The following KALRN variants were observed in gnomAD, a reference collection of about 807,000 sequenced individuals.
The protein encoded by KALRN is kalirin.
Under a neutral mutation model 353.7 loss-of-function variants are expected in KALRN, and 70 were observed. The observed-to-expected ratio is 0.20, with a 90% CI of 0.16 to 0.24. The LOEUF (loss-of-function observed/expected upper bound fraction) is 0.24. Among genes scored for constraint, KALRN ranks in the 10% least tolerant of loss-of-function variants. The pLI is 1.00. For missense variants in KALRN, 2,791 were observed against 3,756.7 expected, an observed-to-expected ratio of 0.74 and a Z score of 6.72; for synonymous variants, 1,391 against 1,434.8, an observed-to-expected ratio of 0.97 and a Z score of 0.69.
chr3:124,632,563 C>G lies in KALRN; in HGVS notation c.5326C>G (p.Pro1776Ala). Reference sequence around the variant, plus strand: ...CACTCTTAAGAAGTGGCTGACGAGTCCTGTGCGTCGGCTTAACAGCGGGAA... The same window carrying G: ...CACTCTTAAGAAGTGGCTGACGAGTGCTGTGCGTCGGCTTAACAGCGGGAA... The part of the protein sequence containing the change: ...TNTLKKWLTS[P>A]VRRLNSGKAD... The change falls in exon 35 of 60, where the codon CCT becomes GCT. Residue 1776 changes from proline to alanine, a missense_variant. Physicochemically the swap from Pro to Ala is conservative, Grantham distance 27. Around this residue, in one of 11 missense-constraint regions of KALRN, gnomAD observed 1,065 missense variants for 1,156.4 expected, o/e 0.92. Transcript: ENST00000682506. 1 of 1,614,184 alleles carries G rather than the reference C, an allele frequency of 6.2e-7. No homozygotes were observed.
At chr3:124,398,274 T>C (rs777620231) in intron 12 of KALRN, among the ~76,000 whole-genome samples, 5 of 152,216 alleles carry the variant, frequency 3.3e-5, no homozygotes, top group Non-Finnish European at 5.9e-5. Context: ...TTTTTTAAAA[T>C]ATGCCTTTAG....
intron 3 of KALRN, among the ~76,000 whole-genome samples, chr3:124,235,533 T>G (rs80181838): frequency 0.011 from 1,623 of 152,088 alleles, 26 homozygotes; most frequent in African/African-American, 0.037. Context: ...CTTCACTTGA[T>G]CAGAGAACCA....
intron 25 of KALRN, among the ~76,000 whole-genome samples, chr3:124,468,350 G>GT (rs375088778): frequency 1.1e-3 from 165 of 151,928 alleles, no homozygotes; most frequent in Non-Finnish European, 1.5e-3. Context: ...ACAAGGGGGG[G>GT]GTTGATCCAT....
chr3:124,187,436 G>A (rs1451273672), intron 1 of KALRN, among the ~76,000 whole-genome samples: 2 of 152,172 alleles, frequency 1.3e-5, no homozygotes, highest in African/African-American at 2.4e-5. Flanking sequence ...TCCAAACACA[G>A]GGCATATGTC....
chr3:124,053,311 T>C (rs1022075643), intron 1 of KALRN, among the ~76,000 whole-genome samples: 1 of 152,134 alleles, frequency 6.6e-6, no homozygotes, highest in East Asian at 1.9e-4. Context: ...AAGGACAAAA[T>C]TGGAGATAGG....
At position 124,446,766 on chromosome 3, in the gene KALRN, C is replaced by T. The variant is rs773631408; in HGVS notation, c.3433C>T (p.Leu1145Phe). 1 of 1,614,064 alleles carries T rather than the reference C, an allele frequency of 6.2e-7. No individual in the cohort carries two copies. Among genetic ancestry groups the T allele is most frequent in the South Asian group, 1.1e-5 (1 of 91,064 alleles). The change falls in exon 21 of 60, where the codon CTT (leucine) becomes TTT (phenylalanine). Residue 1145 changes from leucine (L) to phenylalanine (F), a missense_variant. Transcript: ENST00000682506. Reference protein sequence around the residue: ...VVFERSAKQALDWIQETGEFY... With the variant: ...VVFERSAKQAFDWIQETGEFY... ...GATGAGTTGTTTCCTCCCATAGGCG[C>T]TTGACTGGATCCAAGAAACAGGTGA...
chr3:124,571,739 G>A (rs2073530473), intron 34 of KALRN, among the ~76,000 whole-genome samples: 1 of 151,712 alleles, frequency 6.6e-6, no homozygotes, highest in Non-Finnish European at 1.5e-5. Flanking sequence ...TGCCCAGGCT[G>A]GAGTGCAGTG....
rs184790919 is a variant in KALRN, at chr3:124,392,777, G to T, written c.1963-2358G>T. On this transcript the variant is annotated intron_variant, in intron 11 of 59. Transcript: ENST00000682506. ...ACGGCATCATGCCCAGCTAATTTTT[G>T]TATTTTTTTTTATTTTTTTTTTATT... is the stretch of plus-strand genomic sequence containing the variant. Among the ~76,000 whole-genome samples, 1,767 of 146,108 alleles carry T rather than the reference G, an allele frequency of 0.012. 58 individuals carry two copies. In the East Asian group the frequency reaches 0.12, roughly 10 times the overall value.
At chr3:124,145,618 G>A (rs1578581629) in intron 1 of KALRN, among the ~76,000 whole-genome samples, 1 of 152,168 alleles carries the variant, frequency 6.6e-6, no homozygotes, top group Non-Finnish European at 1.5e-5. Flanking sequence ...TCACATAAAC[G>A]TCTACTGAGC....
At chr3:124,532,958 C>T (rs1554021344) in intron 33 of KALRN, among the ~76,000 whole-genome samples, 1 of 146,424 alleles carries the variant, frequency 6.8e-6, no homozygotes, top group African/African-American at 2.5e-5. Flanking sequence ...AAAACAAATA[C>T]ACATCCTAAG....
chr3:124,370,795 T>A (rs2085733118), intron 10 of KALRN, among the ~76,000 whole-genome samples: 1 of 152,224 alleles, frequency 6.6e-6, no homozygotes, highest in Non-Finnish European at 1.5e-5. Flanking sequence ...TCTACTTTAA[T>A]TTTTCAGTCA....
At chr3:124,485,678 G>C (rs1023073415) in intron 28 of KALRN, among the ~76,000 whole-genome samples, 2 of 152,150 alleles carry the variant, frequency 1.3e-5, no homozygotes, top group African/African-American at 4.8e-5. Context: ...TCAGGAGTTT[G>C]AGACCAGCCT....
intron 1 of KALRN, among the ~76,000 whole-genome samples, chr3:124,121,081 G>A (rs2063964427): frequency 8.8e-6 from 1 of 113,098 alleles, no homozygotes; most frequent in Non-Finnish European, 1.7e-5. Flanking sequence ...GCAACAGAGT[G>A]AGACTCCATC....
chr3:124,189,022 C>T (rs1404173929), intron 1 of KALRN, among the ~76,000 whole-genome samples: 1 of 152,168 alleles, frequency 6.6e-6, no homozygotes, highest in Non-Finnish European at 1.5e-5. Context: ...CTTTCTTATA[C>T]TTGTCAGTAA....
chr3:124,635,692 C>T (rs2149876446), intron 36 of KALRN, among the ~76,000 whole-genome samples: 1 of 152,210 alleles, frequency 6.6e-6, no homozygotes, highest in East Asian at 1.9e-4. Flanking sequence ...CTCCTTGTTT[C>T]CTTCTAATCT....
chr3:124,097,602 C>T (rs1281586557), intron 1 of KALRN, among the ~76,000 whole-genome samples: 2 of 152,198 alleles, frequency 1.3e-5, no homozygotes, highest in African/African-American at 4.8e-5. Flanking sequence ...TGATTTGACA[C>T]ACCTAGGAAA....
At chr3:124,095,271 C>T (rs1277859916) in intron 1 of KALRN, among the ~76,000 whole-genome samples, 2 of 152,154 alleles carry the variant, frequency 1.3e-5, no homozygotes, top group African/African-American at 2.4e-5. Flanking sequence ...ATGATTCCTG[C>T]AGTAAGAAGC....
intron 26 of KALRN, among the ~76,000 whole-genome samples, chr3:124,475,220 G>T (rs551547337): frequency 1.3e-5 from 2 of 152,146 alleles, no homozygotes; most frequent in Non-Finnish European, 2.9e-5. Flanking sequence ...TATCCTTTGA[G>T]TTCCACCTAA....
intron 6 of KALRN, among the ~76,000 whole-genome samples, chr3:124,319,993 C>CAAT (rs72147097): frequency 0.048 from 7,270 of 151,062 alleles, 236 homozygotes; most frequent in Middle Eastern, 0.1. Context: ...GACTCCATCT[C>CAAT]AATAATAATA....
Sources: gnomAD v4.1 joint callset for allele counts (sites outside exome capture counted in the v4.1 genomes callset) on GRCh38, gnomAD v4.1.1 for gene constraint, gnomAD v4.1.1 regional missense constraint, MANE v1.5 for transcripts, NCBI Gene and HGNC (gene_info 2026-07-23, HGNC 2026-07-21) for gene names.